The following TTLL11 variants were observed in gnomAD, a reference collection of about 807,000 sequenced individuals.
TTLL11 encodes tubulin polyglutamylase TTLL11.
In TTLL11, 42 loss-of-function variants were observed where a neutral mutation model predicts 51.7. That is an observed-to-expected ratio of 0.81 (90% CI 0.64 to 1.05). The LOEUF (loss-of-function observed/expected upper bound fraction) is 1.05, where lower values mean the gene tolerates loss of function less well. TTLL11 is among the 50% of genes least tolerant of loss of function. The pLI is 0.00. For synonymous variants in TTLL11, 381 were observed against 383.5 expected (o/e 0.99, Z 0.08); for missense variants, 799 against 940.4 (o/e 0.85, Z 1.97).
intron 6 of TTLL11, among the ~76,000 whole-genome samples, chr9:121,882,315 A>T (rs950458722): frequency 6.6e-6 from 1 of 152,146 alleles, no homozygotes; most frequent in Non-Finnish European, 1.5e-5. Flanking sequence ...CGTGACCTAG[A>T]GGAAGTCTTT....
At chr9:122,004,672 G>A (rs1238934348) in intron 3 of TTLL11, among the ~76,000 whole-genome samples, 1 of 152,146 alleles carries the variant, frequency 6.6e-6, no homozygotes, top group African/African-American at 2.4e-5. Context: ...ATGAGATAGC[G>A]ATTATTTGAG....
In TTLL11 at chr9:122,031,830, T is replaced by C; in HGVS notation, c.586A>G (p.Thr196Ala). The part of the protein sequence containing the change: ...PGMTEMVRKI[T>A]LSRAVRTMQN... ...ATGGTTCTCACTGCTCTGCTCAGAG[T>C]AATTTTACGCACCATCTCCGTCATG... The change falls in exon 3 of 9, where the codon ACT (threonine) becomes GCT (alanine). Residue 196 changes from threonine to alanine, a missense_variant. Physicochemically the swap from Thr to Ala is moderately conservative, Grantham distance 58 (BLOSUM62 0). Transcript: ENST00000321582. The C allele has an allele frequency of 6.2e-7, 1 of 1,613,680 alleles. No homozygotes were observed. The highest frequency in any genetic ancestry group is 1.1e-5 in the South Asian group (1 of 90,988).
rs1398817477 is a variant in TTLL11 at position 121,816,655 on chromosome 9, T to G, written c.*5932A>C. On this transcript the variant is annotated 3_prime_UTR_variant, in exon 9 of 9. Transcript: ENST00000321582. ...TGGTGTGTGCGCGCACATGCGTGTGTGTGCATGTGTGCGTGTGTGCATGCG... is the reference window on the plus strand; with the variant it reads ...TGGTGTGTGCGCGCACATGCGTGTGGGTGCATGTGTGCGTGTGTGCATGCG... The G allele has an allele frequency of 7.5e-6, 1 of 133,558 alleles. No homozygotes were observed. Among genetic ancestry groups the G allele is most frequent in the Non-Finnish European group, 1.5e-5 (1 of 65,342 alleles). The allele number at this position is 133,558 out of a possible 1,614,324, so 8.3% of individuals were successfully genotyped here. A position where few individuals can be genotyped will look rare whatever the true frequency, so the allele number is the denominator to read the frequency against.
At chr9:121,876,373 C>T (rs1216307866) in intron 6 of TTLL11, among the ~76,000 whole-genome samples, 1 of 152,194 alleles carries the variant, frequency 6.6e-6, no homozygotes, top group Non-Finnish European at 1.5e-5. Flanking sequence ...ATTTATTCAT[C>T]CATGAAACAT....
chr9:121,842,665 A>G (rs1240813943), intron 8 of TTLL11, among the ~76,000 whole-genome samples: 1 of 152,232 alleles, frequency 6.6e-6, no homozygotes, highest in Non-Finnish European at 1.5e-5. Context: ...CCTATGGGCC[A>G]GATGAGTCTC....
intron 6 of TTLL11, among the ~76,000 whole-genome samples, chr9:121,897,649 C>CGT: frequency 6.6e-6 from 1 of 151,586 alleles, no homozygotes; most frequent in East Asian, 2.0e-4. Context: ...CACGCGCGCG[C>CGT]GAAGTCTCCA....
At chr9:121,957,680 G>A (rs934971194) in intron 6 of TTLL11, among the ~76,000 whole-genome samples, 1 of 152,150 alleles carries the variant, frequency 6.6e-6, no homozygotes, top group Non-Finnish European at 1.5e-5. Context: ...CCTCCTCCGG[G>A]AGCCCCTTCT....
Position 122,079,936 on chromosome 9 carries a change from C to T in TTLL11, c.462+12751G>A, listed in dbSNP as rs565805129. The stretch of plus-strand genomic sequence containing the variant: ...TGAGGCTAGGCGTTCACGACTAGCC[C>T]GGGCAACATAGTGAGACACCACCTC... On this transcript the variant is annotated intron_variant, in intron 1 of 8. Coordinates refer to ENST00000321582, the MANE Select transcript of TTLL11 (RefSeq NM_001139442.2). Among the ~76,000 whole-genome samples the T allele has an allele frequency of 1.5e-3, 231 of 151,600 alleles. 1 individual carries two copies. Among genetic ancestry groups the T allele is most frequent in the Admixed American group, 2.4e-3 (37 of 15,212 alleles).
At chr9:121,891,763 T>C (rs1453377822) in intron 6 of TTLL11, among the ~76,000 whole-genome samples, 1 of 150,922 alleles carries the variant, frequency 6.6e-6, no homozygotes, top group Non-Finnish European at 1.5e-5. Context: ...TTGCTCATAG[T>C]CACTCAGCCA....
chr9:121,870,415 G>A (rs1362041968), intron 7 of TTLL11, 82 bp downstream of exon 7: 97 of 1,486,700 alleles, frequency 6.5e-5, no homozygotes, highest in African/African-American at 4.2e-5. Context: ...CCCGAGCGCA[G>A]TCAGGGAGAC....
intron 6 of TTLL11, among the ~76,000 whole-genome samples, chr9:121,946,407 G>C (rs1053941624): frequency 6.6e-6 from 1 of 152,170 alleles, no homozygotes; most frequent in Non-Finnish European, 1.5e-5. Context: ...CACAAAACAC[G>C]CACACAGCCC....
chr9:121,980,909 T>C (rs1283235662), intron 4 of TTLL11, among the ~76,000 whole-genome samples: 1 of 152,210 alleles, frequency 6.6e-6, no homozygotes, highest in African/African-American at 2.4e-5. Context: ...GATGAGAACA[T>C]TGTGGTTATT....
chr9:122,092,841 CCGTGCGGGCAGA>C lies in TTLL11; in HGVS notation c.296_307del (p.Leu99_Gly103delinsArg). 12 of 1,564,158 alleles carry C rather than the reference CCGTGCGGGCAGA, an allele frequency of 7.7e-6. No individual in the cohort carries two copies. The highest frequency in any genetic ancestry group is 1.0e-5 in the Non-Finnish European group (12 of 1,162,450). On this transcript the variant is annotated inframe_deletion, in exon 1 of 9. Coordinates refer to ENST00000321582, the MANE Select transcript of TTLL11 (RefSeq NM_001139442.2). ...GCTTCGGCCCTTGTCCCGGGGCTTC[CCGTGCGGGCAGA>C]GGCCCTGCACCGGCTTCGGCTTGGA...
chr9:121,975,008 A>G, intron 4 of TTLL11, 29 bp from the exon 5 acceptor site: 1 of 1,462,912 alleles, frequency 6.8e-7, no homozygotes, highest in East Asian at 2.5e-5. Context: ...ATTCAGAATT[A>G]CTGTCTCTAT....
chr9:121,958,211 G>A lies in TTLL11; in HGVS notation c.1481+15798C>T, dbSNP rs528660379. ...AGACCTGAATGGCTATTTAGCCTTGGTTTGATTACTTCTAACTACACGGAA... is the reference window on the plus strand; with the variant it reads ...AGACCTGAATGGCTATTTAGCCTTGATTTGATTACTTCTAACTACACGGAA... On this transcript the variant is annotated intron_variant, in intron 6 of 8. Coordinates refer to ENST00000321582, the MANE Select transcript of TTLL11 (RefSeq NM_001139442.2). Among the ~76,000 whole-genome samples the A allele has an allele frequency of 2.0e-5, 3 of 152,326 alleles. No homozygotes were observed. The South Asian group carries it at 6.2e-4, about 32-fold the overall frequency.
intron 8 of TTLL11, among the ~76,000 whole-genome samples, chr9:121,856,831 A>C (rs912866020): frequency 1.3e-5 from 2 of 152,222 alleles, no homozygotes; most frequent in East Asian, 3.9e-4. Flanking sequence ...CCTTGGATCC[A>C]CACCATGGAG....
At chr9:121,831,468 A>T (rs1406404852) in intron 8 of TTLL11, among the ~76,000 whole-genome samples, 2 of 152,144 alleles carry the variant, frequency 1.3e-5, no homozygotes, top group African/African-American at 4.8e-5. Flanking sequence ...TGGGAGGCCG[A>T]GGTGGGTGGA....
Position 121,821,989 on chromosome 9 carries a change from T to G in TTLL11, c.*598A>C, listed in dbSNP as rs1196991722. 2.0e-5 allele frequency: 3 copies of G among 152,210 alleles called. No homozygotes were observed. The highest frequency in any genetic ancestry group is 4.4e-5 in the Non-Finnish European group (3 of 68,026). The allele number at this position is 152,210 out of a possible 1,614,324, so 9.4% of individuals were successfully genotyped here. Reference sequence around the variant, plus strand: ...TAGTTACTTCTTAATTAATTTTTTCTTAATTAATAACAAACCAAATATTGC... The same window carrying G: ...TAGTTACTTCTTAATTAATTTTTTCGTAATTAATAACAAACCAAATATTGC... On this transcript the variant is annotated 3_prime_UTR_variant, in exon 9 of 9. Coordinates refer to ENST00000321582, the MANE Select transcript of TTLL11 (RefSeq NM_001139442.2). The surrounding 1 kb of genome is among the most constrained non-coding windows in gnomAD (Gnocchi z 5.0).
At chr9:121,957,713 C>T (rs1018094674) in intron 6 of TTLL11, among the ~76,000 whole-genome samples, 6 of 152,162 alleles carry the variant, frequency 3.9e-5, no homozygotes, top group African/African-American at 1.4e-4. Context: ...CCCCGAAATT[C>T]CCCTCCTAGA....
Sources: gnomAD v4.1 joint callset for allele counts (sites outside exome capture counted in the v4.1 genomes callset) on GRCh38, gnomAD v4.1.1 for gene constraint, Gnocchi (gnomAD v3.1) non-coding constraint, MANE v1.5 for transcripts, NCBI Gene and HGNC (gene_info 2026-07-23, HGNC 2026-07-21) for gene names.